KIF13B: variants seen among roughly 807,000 people sequenced by gnomAD.
KIF13B encodes the protein kinesin-like protein KIF13B.
KIF13B carries 127 observed loss-of-function variants against 222.0 expected under a neutral mutation model. The ratio of observed to expected loss-of-function variants is 0.57; its 90% CI spans 0.50 to 0.66. KIF13B has a LOEUF of 0.66. Among genes scored for constraint, KIF13B ranks in the 30% least tolerant of loss-of-function variants. The pLI is 0.00. For missense variants in KIF13B, 2,173 were observed against 2,379.0 expected (o/e 0.91, Z 1.80); for synonymous variants, 976 against 919.0 (o/e 1.06, Z -1.12).
At chr8:29,197,551 TG>T (rs1236024330) in intron 2 of KIF13B, among the ~76,000 whole-genome samples, 1 of 152,050 alleles carries the variant, frequency 6.6e-6, no homozygotes, top group African/African-American at 2.4e-5. Flanking sequence ...TACACATATA[TG>T]TTTTTTTTTC....
At chr8:29,238,930 C>G (rs1815634567) in intron 2 of KIF13B, among the ~76,000 whole-genome samples, 1 of 152,104 alleles carries the variant, frequency 6.6e-6, no homozygotes, top group Non-Finnish European at 1.5e-5. Flanking sequence ...CCCAGCTACT[C>G]AGGAGGCTGA....
At position 29,072,196 on chromosome 8, in the gene KIF13B, T is replaced by G; in HGVS notation, c.4642A>C (p.Thr1548Pro). 1.4e-6 allele frequency: 2 copies of G among 1,445,276 alleles called. No homozygotes were observed. The highest frequency in any genetic ancestry group is 1.8e-6 in the Non-Finnish European group (2 of 1,100,012). The allele number at this position is 1,445,276 out of a possible 1,614,324, so 89.5% of individuals were successfully genotyped here. Reference protein sequence around the residue: ...PPPVIAVTAVTPAPEAQDGPP... With the variant: ...PPPVIAVTAVPPAPEAQDGPP... ...CCGTCCTGTGCCTCCGGAGCCGGGG[T>G]GACCGCTGTGACAGCTATGACAGGC... The change falls in exon 39 of 40, where the codon ACC becomes CCC. Residue 1548 changes from threonine (T) to proline (P), a missense_variant. By Grantham distance (38) the Thr-to-Pro change is conservative. This residue lies in a region of KIF13B where 693 missense variants were observed against 656.2 expected (regional missense o/e 1.06). Transcript: ENST00000524189.
chr8:29,176,352 A>T (rs865917322), intron 9 of KIF13B, among the ~76,000 whole-genome samples, 173 bp from the exon 10 acceptor site: 4 of 152,322 alleles, frequency 2.6e-5, no homozygotes, highest in Middle Eastern at 6.8e-3. Flanking sequence ...TTTTCCCCCA[A>T]TACTACTATA....
intron 10 of KIF13B, among the ~76,000 whole-genome samples, chr8:29,173,262 A>G (rs926470831): frequency 1.3e-5 from 2 of 152,116 alleles, no homozygotes; most frequent in African/African-American, 4.8e-5. Context: ...GCAACACTGA[A>G]ACAAGGACAA....
chr8:29,140,815 C>T, intron 19 of KIF13B, 198 bp from the exon 20 acceptor site: 1 of 489,346 alleles, frequency 2.0e-6, no homozygotes, highest in Non-Finnish European at 3.6e-6. Flanking sequence ...CTTCCTCATT[C>T]CCATTCACAA....
intron 2 of KIF13B, among the ~76,000 whole-genome samples, chr8:29,227,032 AAAG>A (rs1230566612): frequency 6.6e-6 from 1 of 152,226 alleles, no homozygotes; most frequent in African/African-American, 2.4e-5. Flanking sequence ...TGAAATAGCT[AAAG>A]AAGGATGACC....
intron 2 of KIF13B, among the ~76,000 whole-genome samples, chr8:29,202,717 T>C (rs1056535381): frequency 2.6e-5 from 4 of 152,172 alleles, no homozygotes; most frequent in Non-Finnish European, 4.4e-5. Flanking sequence ...GCACAAGGAA[T>C]GTGAAGCTGC....
At chr8:29,222,848 C>T (rs1361698148) in intron 2 of KIF13B, among the ~76,000 whole-genome samples, 3 of 151,966 alleles carry the variant, frequency 2.0e-5, no homozygotes, top group Admixed American at 6.6e-5. Flanking sequence ...ACACTGTTAA[C>T]TTCATTATAC....
intron 2 of KIF13B, among the ~76,000 whole-genome samples, chr8:29,204,540 T>C (rs1180703660): frequency 6.6e-6 from 1 of 152,148 alleles, no homozygotes; most frequent in Non-Finnish European, 1.5e-5. Context: ...CCCATCTCTA[T>C]AAAAATTTTA....
chr8:29,104,893 C>T (rs190832113), intron 35 of KIF13B, among the ~76,000 whole-genome samples: 37 of 152,042 alleles, frequency 2.4e-4, no homozygotes, highest in Admixed American at 1.9e-3. Context: ...TACAGGTGCC[C>T]ACCACCTCGC....
chr8:29,211,444 G>GGCCAGGAATGGGGAA (rs377737259), intron 2 of KIF13B, among the ~76,000 whole-genome samples: 10 of 152,034 alleles, frequency 6.6e-5, no homozygotes, highest in African/African-American at 2.4e-4. Context: ...TACTTTCCTG[G>GGCCAGGAATGGGGAA]CCCAGGCCAG....
chr8:29,139,773 T>C (rs1810724117), intron 21 of KIF13B, among the ~76,000 whole-genome samples: 1 of 146,190 alleles, frequency 6.8e-6, no homozygotes, highest in African/African-American at 2.5e-5. Context: ...CAGCACCTTC[T>C]TTTTATAAGA....
At chr8:29,109,855 C>A in intron 33 of KIF13B, 63 bp downstream of exon 33, 1 of 1,528,936 alleles carries the variant, frequency 6.5e-7, no homozygotes, top group South Asian at 1.2e-5. Context: ...ATTACAGAGT[C>A]AAACACAGAC....
intron 2 of KIF13B, among the ~76,000 whole-genome samples, chr8:29,208,988 T>G (rs973950149): frequency 1.3e-5 from 2 of 152,194 alleles, no homozygotes; most frequent in African/African-American, 4.8e-5. Flanking sequence ...TGCACTCTGG[T>G]TAACAGTCTG....
rs761826952 is a variant in KIF13B, at chr8:29,070,706, A to G, written c.5279T>C (p.Leu1760Pro). The change falls in exon 40 of 40, where the codon CTG (leucine) becomes CCG (proline). Residue 1760 changes from leucine (L) to proline (P), a missense_variant. This residue lies in a region of KIF13B where 693 missense variants were observed against 656.2 expected (regional missense o/e 1.06). Transcript: ENST00000524189. The surrounding 1 kb of genome is among the most constrained non-coding windows in gnomAD (Gnocchi z 4.1). ...GCGGACCCGGCTGGGCCTGACCAGC[A>G]GCCCGTAGCCAGGGTTACACCTGAA... The part of the protein sequence containing the change: ...QYFRCNPGYG[L>P]LVRPSRVRRA... 1 of 1,561,570 alleles carries G rather than the reference A, an allele frequency of 6.4e-7. No homozygotes were observed.
At position 29,069,982 on chromosome 8, in the gene KIF13B, T is replaced by TG. The variant is rs1253760524; in HGVS notation, c.*521dup. On this transcript the variant is annotated 3_prime_UTR_variant, in exon 40 of 40. Coordinates refer to ENST00000524189, the MANE Select transcript of KIF13B (RefSeq NM_015254.4). The stretch of plus-strand genomic sequence containing the variant: ...GGAACCTGGGACCAGGGTGGGAGGC[T>TG]GGGGGGTCCCCCAGAGGCACTTTGC... 1.3e-4 allele frequency: 13 copies of TG among 101,006 alleles called. No individual in the cohort carries two copies. The highest frequency in any genetic ancestry group is 1.8e-5 in the Non-Finnish European group (1 of 54,158). The allele number at this position is 101,006 out of a possible 1,614,324, so 6.3% of individuals were successfully genotyped here. A position where few individuals can be genotyped will look rare whatever the true frequency, so the allele number is the denominator to read the frequency against.
At position 29,085,086 on chromosome 8, in the gene KIF13B, C is replaced by T. The variant is rs538557999; in HGVS notation, c.4458+7659G>A. Among the ~76,000 whole-genome samples the T allele has an allele frequency of 1.2e-3, 187 of 152,298 alleles. 1 individual carries two copies. The highest frequency in any genetic ancestry group is 4.3e-3 in the African/African-American group (178 of 41,556). ...TTTGTTTTTAAACTTTCTGAATAAA[C>T]TATTGACTTTTGTCTTACAAAAAAA... On this transcript the variant is annotated intron_variant, in intron 37 of 39. Transcript: ENST00000524189.
intron 2 of KIF13B, among the ~76,000 whole-genome samples, chr8:29,240,183 T>C (rs1049175856): frequency 1.3e-5 from 2 of 151,940 alleles, no homozygotes; most frequent in Non-Finnish European, 2.9e-5. Context: ...TTTATAAGAA[T>C]AGTGAAACTT....
chr8:29,108,681 AG>A (rs906457714), intron 34 of KIF13B, among the ~76,000 whole-genome samples: 10 of 152,256 alleles, frequency 6.6e-5, no homozygotes, highest in African/African-American at 2.4e-4. Context: ...CTTGAGTTAA[AG>A]TGATCTTCCT....
Sources: allele counts gnomAD v4.1 joint callset (sites outside exome capture counted in the v4.1 genomes callset), GRCh38; gene constraint gnomAD v4.1.1; regional missense constraint gnomAD v4.1.1; non-coding constraint Gnocchi (gnomAD v3.1); transcripts MANE v1.5; gene names NCBI Gene and HGNC (gene_info 2026-07-23, HGNC 2026-07-21).